UGT2B11: variants seen among roughly 807,000 people sequenced by gnomAD.
UGT2B11 encodes the protein UDP-glucuronosyltransferase 2B11.
UGT2B11 carries 49 observed loss-of-function variants against 51.7 expected under a neutral mutation model. The ratio of observed to expected loss-of-function variants is 0.95; its 90% CI spans 0.75 to 1.20. The LOEUF (loss-of-function observed/expected upper bound fraction) is 1.20. Ranked by LOEUF, UGT2B11 falls within the 50% of genes most tolerant of loss-of-function variation. The probability of loss-of-function intolerance (pLI) is 0.00; values close to 1 mark genes in which losing one functional copy is unlikely to be tolerated. For missense variants in UGT2B11, 810 were observed against 622.1 expected (o/e 1.30, Z -3.21); for synonymous variants, 273 against 209.0 (o/e 1.31, Z -2.64).
At chr4:69,219,633 G>C (rs1320271690), upstream of UGT2B11, among the ~76,000 whole-genome samples, 20 of 152,244 alleles carry the variant, frequency 1.3e-4, no homozygotes, top group East Asian at 2.9e-3. Context: ...CAAATGAGAA[G>C]CAATGTTATG....
chr4:69,208,382 A>G lies in UGT2B11; in HGVS notation c.971T>C (p.Ile324Thr). Residue 324 changes from isoleucine to threonine, a missense_variant, in exon 3 of 6, where the codon ATT becomes ACT. Ile to Thr is a moderately conservative substitution (Grantham distance 89). Coordinates refer to ENST00000446444, the MANE Select transcript of UGT2B11 (RefSeq NM_001073.3). The part of the protein sequence containing the change: ...SNMTAERANV[I>T]ATALAKIPQK... Reference sequence around the variant, plus strand: ...TGGGATCTTGGCAAGGGCTGTTGCAATTACATTGGCCCTTTCTGCTGTCAT... The same window carrying G: ...TGGGATCTTGGCAAGGGCTGTTGCAGTTACATTGGCCCTTTCTGCTGTCAT... 6.2e-7 allele frequency: 1 copy of G among 1,611,094 alleles called. No individual in the cohort carries two copies. Among genetic ancestry groups the G allele is most frequent in the Non-Finnish European group, 8.5e-7 (1 of 1,178,134 alleles).
chr4:69,212,688 T>C lies in UGT2B11; in HGVS notation c.755A>G (p.Lys252Arg), dbSNP rs372565688. 6.2e-7 allele frequency: 1 copy of C among 1,609,508 alleles called. No individual in the cohort carries two copies. Among genetic ancestry groups the C allele is most frequent in the African/African-American group, 1.3e-5 (1 of 74,568 alleles). The change falls in exon 2 of 6, where the codon AAA becomes AGA. Residue 252 changes from lysine to arginine, a missense_variant. Physicochemically the swap from Lys to Arg is conservative, Grantham distance 26. Transcript: ENST00000446444. The stretch of plus-strand genomic sequence containing the variant: ...GTTTCGCATAAGCCATATGTCAGCT[T>C]TTCCCATTGTCTCAAATAAGGTAGT... ...RPTTLFETMG[K>R]ADIWLMRNSW...
intron 3 of UGT2B11, among the ~76,000 whole-genome samples, chr4:69,206,437 CA>C (rs1721858647): frequency 2.6e-5 from 4 of 151,430 alleles, no homozygotes; most frequent in Non-Finnish European, 5.9e-5. Flanking sequence ...AACACGTGGA[CA>C]CATAGATGGC....
chr4:69,210,332 A>C (rs1438088393), intron 2 of UGT2B11, among the ~76,000 whole-genome samples: 3 of 151,740 alleles, frequency 2.0e-5, no homozygotes, highest in African/African-American at 7.2e-5. Flanking sequence ...AATATATTAT[A>C]AAATTAATAA....
intron 2 of UGT2B11, among the ~76,000 whole-genome samples, chr4:69,210,570 C>A (rs910977622): frequency 1.3e-5 from 2 of 151,536 alleles, no homozygotes; most frequent in Non-Finnish European, 3.0e-5. Flanking sequence ...CACTATTGTA[C>A]TACTAGTCAA....
chr4:69,200,528 A>G lies in UGT2B11; in HGVS notation c.1502T>C (p.Val501Ala). 1.9e-6 allele frequency: 3 copies of G among 1,612,376 alleles called. 1 individual carries two copies. The highest frequency in any genetic ancestry group is 2.2e-5 in the East Asian group (1 of 44,728). The change falls in exon 6 of 6, where the codon GTG (valine) becomes GCG (alanine). Residue 501 changes from valine to alanine, a missense_variant. Physicochemically the swap from Val to Ala is moderately conservative, Grantham distance 64 (BLOSUM62 0). Coordinates refer to ENST00000446444, the MANE Select transcript of UGT2B11 (RefSeq NM_001073.3). ...LDVIGFLLACVATVIFIITKF... is the reference protein window; with the variant it reads ...LDVIGFLLACAATVIFIITKF... Reference sequence around the variant, plus strand: ...TGTGATGATAAATATCACAGTTGCCACACAGGCCAGCAGAAACCCAATCAC... The same window carrying G: ...TGTGATGATAAATATCACAGTTGCCGCACAGGCCAGCAGAAACCCAATCAC...
the UGT2B11 span, among the ~76,000 whole-genome samples, chr4:69,224,337 G>C: frequency 6.6e-6 from 1 of 152,134 alleles, no homozygotes; most frequent in Non-Finnish European, 1.5e-5. Context: ...TGGGTGACTA[G>C]AATGTCTGCT....
the UGT2B11 span, among the ~76,000 whole-genome samples, chr4:69,224,071 A>G: frequency 1.3e-5 from 2 of 152,322 alleles, no homozygotes; most frequent in South Asian, 4.1e-4. Flanking sequence ...TGGCCATGGA[A>G]CGGAAACACA....
chr4:69,206,189 G>A (rs369596240), intron 3 of UGT2B11, among the ~76,000 whole-genome samples: 16 of 151,244 alleles, frequency 1.1e-4, no homozygotes, highest in African/African-American at 3.9e-4. Flanking sequence ...GTTAGTTGCA[G>A]TACTATTCAC....
chr4:69,214,043 G>T lies in UGT2B11; in HGVS notation c.680C>A (p.Ser227Tyr), dbSNP rs143912578. Residue 227 changes from serine to tyrosine, a missense_variant, in exon 1 of 6, where the codon TCT becomes TAT. Physicochemically the swap from Ser to Tyr is moderately radical, Grantham distance 144. Coordinates refer to ENST00000446444, the MANE Select transcript of UGT2B11 (RefSeq NM_001073.3). ...AAACTGATCCCACTTCTTCATATCA[G>T]ACATTTGGAACCAAAAGTCAAAATA... ...VLYFDFWFQM[S>Y]DMKKWDQFYS... 3,139 of 1,601,434 alleles carry T rather than the reference G, an allele frequency of 2.0e-3. 9 individuals are homozygous for T. The highest frequency in any genetic ancestry group is 2.3e-3 in the Non-Finnish European group (2,701 of 1,174,620).
chr4:69,212,763 A>G (rs1224198430), intron 1 of UGT2B11, 42 bp from the exon 2 acceptor site: 8 of 1,579,746 alleles, frequency 5.1e-6, no homozygotes, highest in Non-Finnish European at 6.8e-6. Context: ...GATGTAAGAT[A>G]ATTACTTTAC....
At chr4:69,218,193 T>A (rs907428835), upstream of UGT2B11, among the ~76,000 whole-genome samples, 2 of 152,142 alleles carry the variant, frequency 1.3e-5, no homozygotes, top group African/African-American at 4.8e-5. Context: ...AAAAGCATAT[T>A]CAGCTTAGAG....
intron 5 of UGT2B11, among the ~76,000 whole-genome samples, chr4:69,203,536 A>T (rs978234847): frequency 2.0e-5 from 3 of 151,786 alleles, no homozygotes; most frequent in African/African-American, 7.2e-5. Flanking sequence ...TTATGCAAAA[A>T]CAAGTATAGC....
At chr4:69,219,408 G>T (rs148967974), upstream of UGT2B11, among the ~76,000 whole-genome samples, 1 of 152,018 alleles carries the variant, frequency 6.6e-6, no homozygotes, top group African/African-American at 2.4e-5. Flanking sequence ...TGTTTATTCT[G>T]TTGATAGTTA....
At chr4:69,210,051 A>G (rs1339363371) in intron 2 of UGT2B11, among the ~76,000 whole-genome samples, 1 of 151,518 alleles carries the variant, frequency 6.6e-6, no homozygotes, top group African/African-American at 2.4e-5. Context: ...TGTGACACTT[A>G]TTTAGAAAAT....
upstream of UGT2B11, chr4:69,216,632 A>G (rs1376482011): frequency 1.3e-5 from 2 of 151,598 alleles, no homozygotes. Context: ...CATTTCTTAG[A>G]CAACTTGTTA....
Position 69,200,007 on chromosome 4 carries a change from T to G in UGT2B11, c.*433A>C, listed in dbSNP as rs1426309657. The G allele has an allele frequency of 1.3e-5, 2 of 155,524 alleles. No individual in the cohort carries two copies. Among genetic ancestry groups the G allele is most frequent in the Admixed American group, 1.3e-4 (2 of 15,598 alleles). The allele number at this position is 155,524 out of a possible 1,614,324, so 9.6% of individuals were successfully genotyped here. ...AACAGTTAAAACAACAGAATCCTGT[T>G]CAAAATGAAGCCAAATTATTCTGAG... On this transcript the variant is annotated 3_prime_UTR_variant, in exon 6 of 6. Transcript: ENST00000446444.
At position 69,200,726 on chromosome 4, in the gene UGT2B11, GATAAAAAT is replaced by G. The variant is rs1268514561; in HGVS notation, c.1311-15_1311-8del. 6.2e-7 allele frequency: 1 copy of G among 1,602,400 alleles called. No homozygotes were observed. The highest frequency in any genetic ancestry group is 1.3e-5 in the African/African-American group (1 of 74,198). The stretch of plus-strand genomic sequence containing the variant: ...CATAATATTCTCTTTATATCTGAAG[GATAAAAAT>G]AAGGATACCAACACTGAAAGTAAGT... On this transcript the variant is annotated splice_polypyrimidine_tract_variant and splice_region_variant and intron_variant, in intron 5 of 5. Coordinates refer to ENST00000446444, the MANE Select transcript of UGT2B11 (RefSeq NM_001073.3).
upstream of UGT2B11, chr4:69,216,540 CTG>C (rs2109958668): frequency 6.6e-6 from 1 of 151,518 alleles, no homozygotes; most frequent in Admixed American, 6.6e-5. Context: ...GATACAAAGA[CTG>C]TATTTCATCG....
Sources: gnomAD v4.1 joint callset for allele counts (sites outside exome capture counted in the v4.1 genomes callset) on GRCh38, gnomAD v4.1.1 for gene constraint, MANE v1.5 for transcripts, NCBI Gene and HGNC (gene_info 2026-07-23, HGNC 2026-07-21) for gene names.